Variants in CLIC4 observed in about 807,000 individuals in gnomAD.
CLIC4 encodes CLIC family member 4.
Under a neutral mutation model 24.6 loss-of-function variants are expected in CLIC4, and 13 were observed. The ratio of observed to expected loss-of-function variants is 0.53; its 90% CI spans 0.34 to 0.84. The LOEUF (loss-of-function observed/expected upper bound fraction) is 0.84, where lower values mean the gene tolerates loss of function less well. CLIC4 is among the 40% of genes least tolerant of loss of function. The probability of loss-of-function intolerance (pLI) is 0.01; values close to 1 mark genes in which losing one functional copy is unlikely to be tolerated. For missense variants in CLIC4, 227 were observed against 301.7 expected (o/e 0.75, Z 1.83); for synonymous variants, 104 against 111.3 (o/e 0.93, Z 0.41).
At chr1:24,813,147 G>A (rs1034014030) in intron 2 of CLIC4, among the ~76,000 whole-genome samples, 4 of 150,170 alleles carry the variant, frequency 2.7e-5, no homozygotes, top group South Asian at 2.1e-4. Context: ...GGATTCAAGC[G>A]ATTCTCCTGC....
At chr1:24,840,678 T>A in intron 5 of CLIC4, 95 bp from the exon 6 acceptor site, 1 of 1,059,542 alleles carries the variant, frequency 9.4e-7, no homozygotes. Flanking sequence ...TCTCAAAGAT[T>A]TAGAGCATTA....
intron 1 of CLIC4, among the ~76,000 whole-genome samples, chr1:24,753,011 G>A (rs1344896114): frequency 6.6e-6 from 1 of 152,246 alleles, no homozygotes; most frequent in East Asian, 1.9e-4. Context: ...GTGAGCCACC[G>A]CGCCCAGCCT....
At position 24,835,188 on chromosome 1, in the gene CLIC4, A is replaced by C. The variant is rs191031775; in HGVS notation, c.416-4672A>C. Among the ~76,000 whole-genome samples, 282 of 152,356 alleles carry C rather than the reference A, an allele frequency of 1.9e-3. 1 individual carries two copies. Among genetic ancestry groups the C allele is most frequent in the Non-Finnish European group, 3.2e-3 (218 of 68,042 alleles). ...ATGGCTAGCATGATCCTTTAATAAT[A>C]AAATGGGTAGATCTTTGACCTTGCC... is the stretch of plus-strand genomic sequence containing the variant. On this transcript the variant is annotated intron_variant, in intron 4 of 5. Transcript: ENST00000374379.
At chr1:24,785,164 C>T (rs1332824057) in intron 1 of CLIC4, among the ~76,000 whole-genome samples, 1 of 146,344 alleles carries the variant, frequency 6.8e-6, no homozygotes, top group Non-Finnish European at 1.5e-5. Context: ...AGATTTTTTT[C>T]CCTTCTCTCC....
intron 2 of CLIC4, among the ~76,000 whole-genome samples, chr1:24,809,637 T>G (rs1189525911): frequency 1.3e-5 from 2 of 152,118 alleles, no homozygotes; most frequent in African/African-American, 4.8e-5. Flanking sequence ...ATTTTTATAT[T>G]TTTAGTAGAG....
rs975549423 is a variant in CLIC4 at position 24,761,716 on chromosome 1, A to G, written c.72+16091A>G. 6.6e-5 allele frequency among the ~76,000 whole-genome samples: 10 copies of G among 152,222 alleles called. 1 individual carries two copies. The highest frequency in any genetic ancestry group is 3.9e-4 in the Admixed American group (6 of 15,280). On this transcript the variant is annotated intron_variant, in intron 1 of 5. Transcript: ENST00000374379. Reference sequence around the variant, plus strand: ...GAATTTAAGGGAGGCAAGAGTGGCAATAAGGACAACTATTTGGAGGCCATT... The same window carrying G: ...GAATTTAAGGGAGGCAAGAGTGGCAGTAAGGACAACTATTTGGAGGCCATT...
intron 1 of CLIC4, among the ~76,000 whole-genome samples, chr1:24,758,186 C>T (rs1557794708): frequency 6.6e-6 from 1 of 151,914 alleles, no homozygotes; most frequent in Non-Finnish European, 1.5e-5. Context: ...GTCTTTTTTC[C>T]AGTTATAAAA....
At chr1:24,815,698 T>C (rs923626970) in intron 3 of CLIC4, among the ~76,000 whole-genome samples, 1 of 152,204 alleles carries the variant, frequency 6.6e-6, no homozygotes. Flanking sequence ...ACTCTTCCTT[T>C]CATGAAAGAT....
chr1:24,821,536 TTTTC>T (rs1311849604), intron 3 of CLIC4, among the ~76,000 whole-genome samples: 1 of 152,090 alleles, frequency 6.6e-6, no homozygotes, highest in Non-Finnish European at 1.5e-5. Context: ...CTTCTTTGTT[TTTTC>T]TTTGTTTTGT....
At chr1:24,809,671 G>A (rs559653127) in intron 2 of CLIC4, among the ~76,000 whole-genome samples, 17 of 152,178 alleles carry the variant, frequency 1.1e-4, no homozygotes, top group African/African-American at 3.9e-4. Context: ...ATGTTGCCCA[G>A]GTTGGTCTCA....
chr1:24,786,540 C>T (rs1393379649), intron 1 of CLIC4, among the ~76,000 whole-genome samples: 1 of 152,206 alleles, frequency 6.6e-6, no homozygotes, highest in African/African-American at 2.4e-5. Context: ...AAGACTCTAT[C>T]TAGAGATTCA....
At chr1:24,767,202 G>A (rs965780793) in intron 1 of CLIC4, among the ~76,000 whole-genome samples, 12 of 152,028 alleles carry the variant, frequency 7.9e-5, no homozygotes, top group African/African-American at 1.7e-4. Context: ...GTGGACTCCC[G>A]AGCCATGTGG....
intron 1 of CLIC4, among the ~76,000 whole-genome samples, chr1:24,768,394 G>A (rs952644980): frequency 5.9e-5 from 9 of 152,036 alleles, no homozygotes; most frequent in Admixed American, 2.0e-4. Context: ...AAATGTAGAC[G>A]TGCTTATATT....
At chr1:24,750,978 A>G (rs1638767291) in intron 1 of CLIC4, among the ~76,000 whole-genome samples, 1 of 151,780 alleles carries the variant, frequency 6.6e-6, no homozygotes, top group South Asian at 2.1e-4. Flanking sequence ...GAGGATGCCA[A>G]ATGTTTGAAA....
chr1:24,830,915 A>G (rs192955813), intron 4 of CLIC4, among the ~76,000 whole-genome samples: 1 of 152,240 alleles, frequency 6.6e-6, no homozygotes, highest in African/African-American at 2.4e-5. Flanking sequence ...TTATATTTAC[A>G]TACTCCTTTG....
rs1638856493 is a variant in CLIC4 at position 24,756,759 on chromosome 1, C to T, written c.72+11134C>T. 2.6e-5 allele frequency among the ~76,000 whole-genome samples: 4 copies of T among 151,976 alleles called. No individual in the cohort carries two copies. In the South Asian group the frequency reaches 6.2e-4, roughly 24 times the overall value. ...TTTTTGAAATGGAGTCTCACTCTGT[C>T]GCCTAGGCTGGAGTGCAGTGGCGTG... On this transcript the variant is annotated intron_variant, in intron 1 of 5. Transcript: ENST00000374379.
Position 24,766,473 on chromosome 1 carries a change from G to GTTTTTTTTTTTT in CLIC4, c.72+20885_72+20896dup, listed in dbSNP as rs71032855. 4.8e-5 allele frequency among the ~76,000 whole-genome samples: 3 copies of GTTTTTTTTTTTT among 62,040 alleles called. 1 individual carries two copies. Among genetic ancestry groups the GTTTTTTTTTTTT allele is most frequent in the African/African-American group, 1.9e-4 (3 of 15,438 alleles). The allele number at this position is 62,040 out of a possible 152,430, so 40.7% of individuals were successfully genotyped here. A position where few individuals can be genotyped will look rare whatever the true frequency, so the allele number is the denominator to read the frequency against. ...CAGGTCTTGCTATGTTGCCCAGACGGTTTTTTTTTTTTTTTTTTTTTTTTT... is the reference window on the plus strand; with the variant it reads ...CAGGTCTTGCTATGTTGCCCAGACGGTTTTTTTTTTTTTTTTTTTTTTTTTTTTTTTTTTTTT... On this transcript the variant is annotated intron_variant, in intron 1 of 5. Transcript: ENST00000374379.
chr1:24,822,114 A>G (rs543456914), intron 3 of CLIC4, among the ~76,000 whole-genome samples: 36 of 152,184 alleles, frequency 2.4e-4, no homozygotes, highest in Non-Finnish European at 4.3e-4. Flanking sequence ...TATGACTTCA[A>G]AAATCTGTGT....
chr1:24,784,506 A>C (rs1196865924), intron 1 of CLIC4, among the ~76,000 whole-genome samples: 1 of 152,204 alleles, frequency 6.6e-6, no homozygotes, highest in Non-Finnish European at 1.5e-5. Flanking sequence ...GTCTTCAATA[A>C]GGTAAATGTG....
Sources: gnomAD v4.1 joint callset for allele counts (sites outside exome capture counted in the v4.1 genomes callset) on GRCh38, gnomAD v4.1.1 for gene constraint, MANE v1.5 for transcripts, NCBI Gene and HGNC (gene_info 2026-07-23, HGNC 2026-07-21) for gene names.